Variants in CAPZA1 observed in about 807,000 individuals in gnomAD.
CAPZA1 encodes F-actin-capping protein subunit alpha-1.
CAPZA1 carries 10 observed loss-of-function variants against 40.8 expected under a neutral mutation model. The ratio of observed to expected loss-of-function variants is 0.25; its 90% CI spans 0.15 to 0.42. The LOEUF (loss-of-function observed/expected upper bound fraction) is 0.42, where lower values mean the gene tolerates loss of function less well. CAPZA1 is among the 10% of genes least tolerant of loss of function. CAPZA1 has a pLI of 1.00. For synonymous variants in CAPZA1, 98 were observed against 115.0 expected, an observed-to-expected ratio of 0.85 and a Z score of 0.95; for missense variants, 277 against 353.8, an observed-to-expected ratio of 0.78 and a Z score of 1.74.
In CAPZA1 at chr1:112,670,265, T is replaced by C. The variant is rs1392305028; in HGVS notation, c.*133T>C. 1 of 946,564 alleles carries C rather than the reference T, an allele frequency of 1.1e-6. No individual in the cohort carries two copies. Among genetic ancestry groups the C allele is most frequent in the Non-Finnish European group, 1.6e-6 (1 of 625,470 alleles). The allele number at this position is 946,564 out of a possible 1,614,324, so 58.6% of individuals were successfully genotyped here. ...AAAGTTAACCGGTTTTCTAGCCTCA[T>C]GGAATACTGTTGAACCTATAGCGTT... On this transcript the variant is annotated 3_prime_UTR_variant, in exon 10 of 10. Coordinates refer to ENST00000263168, the MANE Select transcript of CAPZA1 (RefSeq NM_006135.3).
At chr1:112,622,281 A>G (rs950727315) in intron 1 of CAPZA1, among the ~76,000 whole-genome samples, 1 of 152,134 alleles carries the variant, frequency 6.6e-6, no homozygotes, top group African/African-American at 2.4e-5. Context: ...AAGTTTTTTT[A>G]ATCACTTTAT....
chr1:112,669,690 A>C, intron 9 of CAPZA1, 85 bp downstream of exon 9: 1 of 993,704 alleles, frequency 1.0e-6, no homozygotes, highest in Non-Finnish European at 1.6e-6. Context: ...TGTGTCCTTT[A>C]ATGTAAATAT....
chr1:112,646,098 G>T (rs142747300), intron 1 of CAPZA1, among the ~76,000 whole-genome samples: 1 of 152,016 alleles, frequency 6.6e-6, no homozygotes, highest in East Asian at 1.9e-4. Context: ...TGAGATAAGC[G>T]GATTAGAACC....
chr1:112,668,915 G>A (rs969419202), intron 8 of CAPZA1, among the ~76,000 whole-genome samples: 18 of 152,316 alleles, frequency 1.2e-4, no homozygotes, highest in Admixed American at 6.5e-4. Flanking sequence ...TATTATGAAA[G>A]TAGAAAATAG....
intron 1 of CAPZA1, chr1:112,620,106 A>G: frequency 2.0e-6 from 1 of 504,020 alleles, no homozygotes; most frequent in Non-Finnish European, 3.6e-6. Context: ...CTCAGGCCTG[A>G]GGCACAGCCC....
chr1:112,637,189 T>G (rs1671037727), intron 1 of CAPZA1, among the ~76,000 whole-genome samples: 1 of 152,278 alleles, frequency 6.6e-6, no homozygotes, highest in Non-Finnish European at 1.5e-5. Flanking sequence ...ACCTATTTCT[T>G]GATTTATAAA....
At chr1:112,620,271 C>G (rs1341775549) in intron 1 of CAPZA1, 2 of 169,380 alleles carry the variant, frequency 1.2e-5, no homozygotes, top group African/African-American at 4.8e-5. Flanking sequence ...CCCATCCCCC[C>G]ATTTGTAGAT....
chr1:112,638,932 A>ATATAGATATAGG (rs766229774), intron 1 of CAPZA1, among the ~76,000 whole-genome samples: 6,885 of 116,998 alleles, frequency 0.059, 303 homozygotes, highest in Admixed American at 0.17. Context: ...ATAGATATAG[A>ATATAGATATAGG]TATAGGTATA....
rs2101197303 is a variant in CAPZA1 at position 112,670,500 on chromosome 1, T to C, written c.*368T>C. 1 of 183,498 alleles carries C rather than the reference T, an allele frequency of 5.4e-6. No individual in the cohort carries two copies. The highest frequency in any genetic ancestry group is 2.5e-3 in the Middle Eastern group (1 of 404). The allele number at this position is 183,498 out of a possible 1,614,324, so 11.4% of individuals were successfully genotyped here. ...TACTGATTTAGACAAGGTATTATGG[T>C]CATTACTTTGTACCCCTATCCTTCC... is the stretch of plus-strand genomic sequence containing the variant. On this transcript the variant is annotated 3_prime_UTR_variant, in exon 10 of 10. Transcript: ENST00000263168.
At chr1:112,669,330 C>G (rs1247390164) in intron 8 of CAPZA1, among the ~76,000 whole-genome samples, 3 of 152,130 alleles carry the variant, frequency 2.0e-5, no homozygotes, top group Non-Finnish European at 4.4e-5. Context: ...TAAGAGGATT[C>G]TGTTTTCTCA....
At chr1:112,646,076 A>G (rs1029160439) in intron 1 of CAPZA1, among the ~76,000 whole-genome samples, 2 of 152,374 alleles carry the variant, frequency 1.3e-5, no homozygotes, top group Admixed American at 1.3e-4. Context: ...GATAAAATAT[A>G]GAGGAAAACA....
intron 1 of CAPZA1, among the ~76,000 whole-genome samples, chr1:112,623,474 A>T (rs1426716881): frequency 6.6e-6 from 1 of 151,982 alleles, no homozygotes; most frequent in Non-Finnish European, 1.5e-5. Flanking sequence ...TGAGGTCGGG[A>T]GTTTGAGACC....
At chr1:112,664,906 G>C (rs1671693880) in intron 7 of CAPZA1, among the ~76,000 whole-genome samples, 1 of 152,118 alleles carries the variant, frequency 6.6e-6, no homozygotes, top group African/African-American at 2.4e-5. Context: ...TTGCACTCCA[G>C]CCTGGGCGAC....
chr1:112,638,405 C>T (rs1179134269), intron 1 of CAPZA1, among the ~76,000 whole-genome samples: 1 of 152,054 alleles, frequency 6.6e-6, no homozygotes, highest in South Asian at 2.1e-4. Context: ...ACCTCCGTCT[C>T]CTGGGTTCAA....
At chr1:112,660,960 C>T (rs781548116) in intron 7 of CAPZA1, among the ~76,000 whole-genome samples, 1 of 145,788 alleles carries the variant, frequency 6.9e-6, no homozygotes, top group Non-Finnish European at 1.5e-5. Flanking sequence ...TGAGTTCAAG[C>T]AATTCTCTTG....
intron 1 of CAPZA1, among the ~76,000 whole-genome samples, chr1:112,626,855 C>G (rs918151995): frequency 6.6e-6 from 1 of 152,140 alleles, no homozygotes; most frequent in African/African-American, 2.4e-5. Flanking sequence ...GAACATTGAT[C>G]GAATTCTGTT....
chr1:112,659,616 T>C, intron 6 of CAPZA1, 85 bp from the exon 7 acceptor site: 1 of 1,039,266 alleles, frequency 9.6e-7, no homozygotes, highest in South Asian at 1.5e-5. Context: ...GCACCCCTCT[T>C]TCCCAACTTC....
At chr1:112,632,313 G>T (rs1017296011) in intron 1 of CAPZA1, among the ~76,000 whole-genome samples, 1 of 152,006 alleles carries the variant, frequency 6.6e-6, no homozygotes, top group Non-Finnish European at 1.5e-5. Context: ...CCAAAGAAAA[G>T]ACTATTACAA....
chr1:112,653,795 T>C, intron 4 of CAPZA1, 134 bp downstream of exon 4: 1 of 607,504 alleles, frequency 1.6e-6, no homozygotes, highest in Non-Finnish European at 2.9e-6. Flanking sequence ...GTACTGTACG[T>C]GTTAGGATAT....
Sources: allele counts gnomAD v4.1 joint callset (sites outside exome capture counted in the v4.1 genomes callset), GRCh38; gene constraint gnomAD v4.1.1; transcripts MANE v1.5; gene names NCBI Gene and HGNC (gene_info 2026-07-23, HGNC 2026-07-21).